RANBP2: variants seen among roughly 807,000 people sequenced by gnomAD.
RANBP2 encodes E3 SUMO-protein ligase RanBP2.
A neutral mutation model predicts 303.6 loss-of-function variants in RANBP2; 57 were observed. The ratio of observed to expected loss-of-function variants is 0.19; its 90% confidence interval spans 0.15 to 0.23. The LOEUF (loss-of-function observed/expected upper bound fraction) is 0.23. Ranked by LOEUF, RANBP2 falls within the 10% of genes least tolerant of loss-of-function variation. The probability of loss-of-function intolerance (pLI) is 1.00; values close to 1 mark genes in which losing one functional copy is unlikely to be tolerated. For synonymous variants in RANBP2, 1,167 were observed against 1,301.5 expected, an observed-to-expected ratio of 0.90 and a Z score of 2.23; for missense variants, 3,138 against 3,780.8, an observed-to-expected ratio of 0.83 and a Z score of 4.46.
chr2:109,450,945 C>T, the RANBP2 span, among the ~76,000 whole-genome samples: 2 of 152,256 alleles, frequency 1.3e-5, no homozygotes, highest in African/African-American at 4.8e-5. Context: ...CAGCCTCTCT[C>T]TCTTTCTCGA....
the RANBP2 span, chr2:108,839,099 G>T: frequency 1.5e-6 from 2 of 1,370,624 alleles, no homozygotes. Flanking sequence ...TGTTTTTAAA[G>T]ATAATTTTGG....
At chr2:109,013,665 T>C in the RANBP2 span, among the ~76,000 whole-genome samples, 1 of 151,830 alleles carries the variant, frequency 6.6e-6, no homozygotes, top group Non-Finnish European at 1.5e-5. Context: ...CTGGAACCTC[T>C]GCCTCCTGGG....
the RANBP2 span, among the ~76,000 whole-genome samples, chr2:109,444,834 C>T: frequency 2.6e-5 from 4 of 152,240 alleles, no homozygotes; most frequent in South Asian, 4.1e-4. Flanking sequence ...AGCCAATAAA[C>T]TCAAGAGATA....
chr2:108,973,624 A>G, the RANBP2 span, among the ~76,000 whole-genome samples: 1 of 152,218 alleles, frequency 6.6e-6, no homozygotes, highest in African/African-American at 2.4e-5. Context: ...TGCCTCCGGA[A>G]GAACAGAAGG....
At chr2:109,581,672 T>C in the RANBP2 span, among the ~76,000 whole-genome samples, 8 of 152,158 alleles carry the variant, frequency 5.3e-5, no homozygotes, top group Non-Finnish European at 1.0e-4. Flanking sequence ...GCTTCATTAA[T>C]TGATAGAATA....
At chr2:109,129,180 C>T in the RANBP2 span, 3 of 453,804 alleles carry the variant, frequency 6.6e-6, no homozygotes, top group Non-Finnish European at 4.2e-6. Context: ...CGCTGGTCTC[C>T]CAGGCGCGAG....
the RANBP2 span, among the ~76,000 whole-genome samples, chr2:108,952,829 T>C: frequency 2.6e-5 from 4 of 152,250 alleles, no homozygotes; most frequent in Non-Finnish European, 4.4e-5. Flanking sequence ...TAAATAGCAC[T>C]GAGTTTTACT....
the RANBP2 span, among the ~76,000 whole-genome samples, chr2:109,093,810 C>A: frequency 6.6e-6 from 1 of 152,116 alleles, no homozygotes; most frequent in African/African-American, 2.4e-5. Context: ...ACTCTTGATG[C>A]CCATATGAGA....
the RANBP2 span, among the ~76,000 whole-genome samples, chr2:109,231,946 T>G: frequency 1.3e-5 from 2 of 152,266 alleles, no homozygotes; most frequent in East Asian, 3.8e-4. Flanking sequence ...CACAGAGTTG[T>G]GTCCATCACC....
At chr2:109,490,679 T>C in the RANBP2 span, 2 of 1,522,868 alleles carry the variant, frequency 1.3e-6, no homozygotes, top group Non-Finnish European at 1.8e-6. Flanking sequence ...CCCCGCCATC[T>C]GTGTCTCCAA....
At chr2:109,114,334 T>C in the RANBP2 span, among the ~76,000 whole-genome samples, 1 of 152,226 alleles carries the variant, frequency 6.6e-6, no homozygotes, top group African/African-American at 2.4e-5. Context: ...TATTCAGAGA[T>C]TTAACTTCTT....
At chr2:109,054,142 C>G in the RANBP2 span, among the ~76,000 whole-genome samples, 12 of 152,298 alleles carry the variant, frequency 7.9e-5, no homozygotes, top group South Asian at 2.3e-3. Context: ...AGTCCCTGCT[C>G]CCATTACAGT....
chr2:109,370,428 C>T, the RANBP2 span, among the ~76,000 whole-genome samples: 1 of 151,962 alleles, frequency 6.6e-6, no homozygotes, highest in Non-Finnish European at 1.5e-5. Context: ...TTAGTAGAGA[C>T]TGAGTTTCAC....
chr2:109,602,010 A>T, the RANBP2 span, among the ~76,000 whole-genome samples: 6 of 152,186 alleles, frequency 3.9e-5, no homozygotes, highest in Non-Finnish European at 7.3e-5. Flanking sequence ...AGATTTTGAC[A>T]CAAGGAAGGG....
chr2:109,300,179 T>C, the RANBP2 span, among the ~76,000 whole-genome samples: 1 of 151,978 alleles, frequency 6.6e-6, no homozygotes, highest in Non-Finnish European at 1.5e-5. Context: ...TGAGATATGC[T>C]CTCGAGAGGG....
At chr2:109,103,487 G>C in the RANBP2 span, among the ~76,000 whole-genome samples, 1 of 152,184 alleles carries the variant, frequency 6.6e-6, no homozygotes, top group East Asian at 1.9e-4. Context: ...GAAGGCGGGT[G>C]GGGTGGGGGC....
At chr2:109,519,541 G>A in the RANBP2 span, among the ~76,000 whole-genome samples, 2 of 152,222 alleles carry the variant, frequency 1.3e-5, no homozygotes, top group Non-Finnish European at 2.9e-5. Context: ...CCCTGGCTGG[G>A]CACCAACTGT....
At chr2:108,956,982 G>T in the RANBP2 span, among the ~76,000 whole-genome samples, 4 of 152,142 alleles carry the variant, frequency 2.6e-5, no homozygotes, top group Non-Finnish European at 5.9e-5. Flanking sequence ...TAGAGACGGG[G>T]TTTCTCCACG....
chr2:109,034,952 AAAG>A, the RANBP2 span, among the ~76,000 whole-genome samples: 10 of 152,178 alleles, frequency 6.6e-5, no homozygotes, highest in Admixed American at 6.5e-4. Flanking sequence ...TTTAAAGAAA[AAAG>A]AAAAGGAGAC....
Sources: allele counts gnomAD v4.1 joint callset (sites outside exome capture counted in the v4.1 genomes callset), GRCh38; gene constraint gnomAD v4.1.1; transcripts MANE v1.5; gene names NCBI Gene and HGNC (gene_info 2026-07-23, HGNC 2026-07-21).